Variants in GRIK2 observed in about 807,000 individuals in gnomAD.
The protein encoded by GRIK2 is glutamate receptor ionotropic, kainate 2.
GRIK2 carries 32 observed loss-of-function variants against 100.3 expected under a neutral mutation model. The observed-to-expected ratio is 0.32, with a 90% confidence interval of 0.24 to 0.43. The LOEUF (loss-of-function observed/expected upper bound fraction) is 0.43. Ranked by LOEUF, GRIK2 falls within the 20% of genes least tolerant of loss-of-function variation. The probability of loss-of-function intolerance (pLI) is 1.00; values close to 1 mark genes in which losing one functional copy is unlikely to be tolerated. For missense variants in GRIK2, 843 were observed against 1,114.9 expected (o/e 0.76, Z 3.47); for synonymous variants, 417 against 389.4 (o/e 1.07, Z -0.83).
At chr6:101,995,570 C>T (rs896438128) in intron 14 of GRIK2, among the ~76,000 whole-genome samples, 5 of 151,982 alleles carry the variant, frequency 3.3e-5, no homozygotes, top group East Asian at 1.9e-4. Flanking sequence ...TGCTCATCAA[C>T]GTCTTTTCAA....
intron 9 of GRIK2, among the ~76,000 whole-genome samples, chr6:101,804,069 A>G (rs772292547): frequency 6.6e-6 from 1 of 151,988 alleles, no homozygotes. Context: ...AAATACAATC[A>G]AAAGCTATAT....
At position 102,055,311 on chromosome 6, in the gene GRIK2, A is replaced by G. The variant is rs748814638; in HGVS notation, c.2312-19A>G. On this transcript the variant is annotated intron_variant, in intron 15 of 16. Transcript: ENST00000369134. ...TTTCAGGTTCCTTGAAATACTTAAC[A>G]TAACCTCTCCTTTCTTAGGTTCTCC... 3.1e-6 allele frequency: 5 copies of G among 1,590,736 alleles called. No homozygotes were observed. In the Admixed American group the frequency reaches 6.8e-5, roughly 22 times the overall value.
chr6:101,908,105 C>T (rs1301334305), intron 12 of GRIK2, among the ~76,000 whole-genome samples: 3 of 151,522 alleles, frequency 2.0e-5, no homozygotes, highest in Non-Finnish European at 4.4e-5. Flanking sequence ...CTACATCATT[C>T]TGTCCGAGCT....
intron 7 of GRIK2, among the ~76,000 whole-genome samples, chr6:101,704,422 A>G (rs1773115386): frequency 6.6e-6 from 1 of 151,716 alleles, no homozygotes; most frequent in South Asian, 2.1e-4. Context: ...TGTTAAAATT[A>G]AAAGATGCAT....
chr6:101,551,489 A>G (rs1776506172), intron 2 of GRIK2, among the ~76,000 whole-genome samples: 1 of 152,154 alleles, frequency 6.6e-6, no homozygotes, highest in African/African-American at 2.4e-5. Flanking sequence ...CAGGACATTT[A>G]TGGTCTAAAA....
At chr6:101,871,264 A>AACTGC (rs11283596) in intron 11 of GRIK2, among the ~76,000 whole-genome samples, 151,922 of 151,922 alleles carry the variant, frequency 1, 75,961 homozygotes, top group Non-Finnish European at 1. Context: ...TACTCTTTGA[A>AACTGC]AGGACAGTGA....
At chr6:101,499,804 G>C (rs1224071790) in intron 2 of GRIK2, among the ~76,000 whole-genome samples, 1 of 152,080 alleles carries the variant, frequency 6.6e-6, no homozygotes, top group Non-Finnish European at 1.5e-5. Flanking sequence ...AGATCCATTA[G>C]GGTGGGGACC....
At chr6:101,913,580 G>A (rs2791775) in intron 12 of GRIK2, among the ~76,000 whole-genome samples, 128,757 of 151,406 alleles carry the variant, frequency 0.85, 54,882 homozygotes, top group East Asian at 0.94. Flanking sequence ...TATCAAATGG[G>A]CAATAATGAA....
chr6:101,736,970 C>T (rs1775679242), intron 7 of GRIK2, among the ~76,000 whole-genome samples: 1 of 152,144 alleles, frequency 6.6e-6, no homozygotes, highest in African/African-American at 2.4e-5. Context: ...TAAATCATCT[C>T]TCTCAAGTTC....
At chr6:101,810,125 A>G (rs1781240134) in intron 9 of GRIK2, among the ~76,000 whole-genome samples, 1 of 151,794 alleles carries the variant, frequency 6.6e-6, no homozygotes, top group Non-Finnish European at 1.5e-5. Flanking sequence ...CATAATTGTA[A>G]TTGATTGATT....
At chr6:101,478,134 AATTT>A (rs1232849161) in intron 2 of GRIK2, among the ~76,000 whole-genome samples, 1 of 152,210 alleles carries the variant, frequency 6.6e-6, no homozygotes, top group Admixed American at 6.5e-5. Context: ...ATGATTAATT[AATTT>A]ATTAACAATT....
At chr6:101,957,984 T>G (rs186998617) in intron 14 of GRIK2, among the ~76,000 whole-genome samples, 1 of 152,026 alleles carries the variant, frequency 6.6e-6, no homozygotes, top group Admixed American at 6.6e-5. Flanking sequence ...TGATTTTTGC[T>G]TAGGATTGTT....
At chr6:101,768,207 G>A (rs1368321749) in intron 7 of GRIK2, among the ~76,000 whole-genome samples, 2 of 152,080 alleles carry the variant, frequency 1.3e-5, no homozygotes, top group East Asian at 3.9e-4. Context: ...AACATAAATT[G>A]CTTAACCTTG....
At chr6:101,544,318 G>A (rs1446498981) in intron 2 of GRIK2, among the ~76,000 whole-genome samples, 1 of 152,142 alleles carries the variant, frequency 6.6e-6, no homozygotes, top group African/African-American at 2.4e-5. Flanking sequence ...AAGATATTGT[G>A]CATTCTAAAC....
At chr6:101,582,204 T>C (rs1215348352) in intron 2 of GRIK2, among the ~76,000 whole-genome samples, 5 of 151,738 alleles carry the variant, frequency 3.3e-5, no homozygotes, top group African/African-American at 1.2e-4. Flanking sequence ...TTTCTCCTAA[T>C]GCTATCCCTC....
At chr6:101,932,656 A>G (rs1293716101) in intron 14 of GRIK2, among the ~76,000 whole-genome samples, 1 of 151,500 alleles carries the variant, frequency 6.6e-6, no homozygotes, top group Non-Finnish European at 1.5e-5. Flanking sequence ...GTATGTTTCC[A>G]TACTCTACTG....
intron 10 of GRIK2, among the ~76,000 whole-genome samples, chr6:101,834,698 T>G (rs964127790): frequency 8.5e-5 from 13 of 152,160 alleles, no homozygotes; most frequent in Non-Finnish European, 1.6e-4. Flanking sequence ...TTAGGGAAAT[T>G]TAGACAATTT....
At chr6:101,451,524 G>C (rs1253967317) in intron 2 of GRIK2, among the ~76,000 whole-genome samples, 1 of 151,544 alleles carries the variant, frequency 6.6e-6, no homozygotes. Context: ...ATTTGTTTCT[G>C]TTGTCTTATG....
intron 14 of GRIK2, among the ~76,000 whole-genome samples, chr6:101,934,853 C>A (rs1039099163): frequency 6.6e-6 from 1 of 151,842 alleles, no homozygotes; most frequent in African/African-American, 2.4e-5. Context: ...GTTTATTTTC[C>A]TCTTGCTATA....
Sources: gnomAD v4.1 joint callset for allele counts (sites outside exome capture counted in the v4.1 genomes callset) on GRCh38, gnomAD v4.1.1 for gene constraint, MANE v1.5 for transcripts, NCBI Gene and HGNC (gene_info 2026-07-23, HGNC 2026-07-21) for gene names.